GMDS: variants seen among roughly 807,000 people sequenced by gnomAD.
GMDS encodes GDP-mannose 4,6-dehydratase, also known as GDP-mannose 4,6 dehydratase.
A neutral mutation model predicts 49.9 loss-of-function variants in GMDS; 20 were observed. The ratio of observed to expected loss-of-function variants is 0.40; its 90% CI spans 0.28 to 0.58. GMDS has a LOEUF of 0.58. GMDS is among the 20% of genes least tolerant of loss of function. GMDS has a pLI of 0.42. For synonymous variants in GMDS, 177 were observed against 178.6 expected (o/e 0.99, Z 0.07); for missense variants, 362 against 481.4 (o/e 0.75, Z 2.32).
chr6:2,139,687 G>A (rs1776188589), intron 1 of GMDS, among the ~76,000 whole-genome samples: 1 of 152,136 alleles, frequency 6.6e-6, no homozygotes, highest in Non-Finnish European at 1.5e-5. Context: ...CTATTAACTG[G>A]GGAACTGGGA....
At chr6:2,003,223 T>C (rs1044155569) in intron 4 of GMDS, among the ~76,000 whole-genome samples, 10 of 152,300 alleles carry the variant, frequency 6.6e-5, no homozygotes, top group African/African-American at 2.2e-4. Context: ...TAATGGATGA[T>C]AACGAGCAGG....
chr6:1,719,645 T>C (rs996513990), intron 9 of GMDS, among the ~76,000 whole-genome samples: 2 of 148,218 alleles, frequency 1.3e-5, no homozygotes, highest in Non-Finnish European at 3.0e-5. Context: ...GAGAGAGGGA[T>C]TTTTTAGATT....
chr6:2,022,082 G>C (rs1319921), intron 4 of GMDS, among the ~76,000 whole-genome samples: 2,073 of 152,208 alleles, frequency 0.014, 49 homozygotes, highest in African/African-American at 0.048. Flanking sequence ...GGCTGCCTAA[G>C]CCTAACAAGG....
At chr6:2,169,977 G>T (rs566759581) in intron 1 of GMDS, among the ~76,000 whole-genome samples, 40 of 152,202 alleles carry the variant, frequency 2.6e-4, no homozygotes, top group Non-Finnish European at 5.6e-4. Context: ...GCCAAGGTGG[G>T]CCGATCACCT....
At chr6:1,942,811 A>G (rs1248144684) in intron 6 of GMDS, among the ~76,000 whole-genome samples, 1 of 152,192 alleles carries the variant, frequency 6.6e-6, no homozygotes, top group African/African-American at 2.4e-5. Context: ...ATTTCACTTA[A>G]GCTTAGCGTG....
intron 9 of GMDS, among the ~76,000 whole-genome samples, chr6:1,678,007 G>C (rs550432151): frequency 2.0e-5 from 3 of 151,966 alleles, no homozygotes; most frequent in Admixed American, 1.3e-4. Flanking sequence ...CATATCGATG[G>C]GATTAATAGT....
rs188568831 is a variant in GMDS at position 1,640,412 on chromosome 6, C to T, written c.988-15872G>A. On this transcript the variant is annotated intron_variant, in intron 9 of 10. Coordinates refer to ENST00000380815, the MANE Select transcript of GMDS (RefSeq NM_001500.4). The surrounding 1 kb of genome is among the most constrained non-coding windows in gnomAD (Gnocchi z 4.0). ...CTGCAGGTGTGTTATGCACCTGTCA[C>T]GGGGTAAGGCCTTCCACGTATGCTC... is the stretch of plus-strand genomic sequence containing the variant. Among the ~76,000 whole-genome samples, 27 of 152,250 alleles carry T rather than the reference C, an allele frequency of 1.8e-4. No individual in the cohort carries two copies. Among genetic ancestry groups the T allele is most frequent in the East Asian group, 3.9e-4 (2 of 5,178 alleles).
intron 9 of GMDS, among the ~76,000 whole-genome samples, chr6:1,653,063 T>C (rs73716247): frequency 0.082 from 12,372 of 151,798 alleles, 569 homozygotes; most frequent in East Asian, 0.12. Flanking sequence ...CAGGTCCTAC[T>C]GCTCGGCAGC....
chr6:1,726,608 G>C, intron 8 of GMDS, 96 bp from the exon 9 acceptor site: 1 of 849,642 alleles, frequency 1.2e-6, no homozygotes, highest in South Asian at 1.4e-5. Context: ...CTCCCCGCAG[G>C]AGCGCTTAAG....
intron 4 of GMDS, among the ~76,000 whole-genome samples, chr6:1,977,968 C>A (rs546235856): frequency 6.6e-6 from 1 of 152,308 alleles, no homozygotes; most frequent in East Asian, 1.9e-4. Flanking sequence ...TCCAGGGAAC[C>A]AGGCAGCATC....
chr6:1,657,063 A>G (rs188571554), intron 9 of GMDS, among the ~76,000 whole-genome samples: 153 of 152,278 alleles, frequency 1.0e-3, no homozygotes, highest in African/African-American at 3.5e-3. Context: ...GGGGACAGCA[A>G]GAGGGTTTCT....
chr6:2,127,787 G>A (rs1775534319), intron 1 of GMDS, among the ~76,000 whole-genome samples: 1 of 152,196 alleles, frequency 6.6e-6, no homozygotes, highest in African/African-American at 2.4e-5. Context: ...GCAGACGTCC[G>A]CCAAGCCAAC....
chr6:2,013,000 A>T (rs908431901), intron 4 of GMDS, among the ~76,000 whole-genome samples: 1 of 152,088 alleles, frequency 6.6e-6, no homozygotes, highest in Non-Finnish European at 1.5e-5. Flanking sequence ...CAGACACTCA[A>T]CTCTGGCCGC....
intron 7 of GMDS, among the ~76,000 whole-genome samples, chr6:1,847,739 C>A (rs887975492): frequency 1.3e-5 from 2 of 152,170 alleles, no homozygotes; most frequent in African/African-American, 4.8e-5. Context: ...ATTCTTAATT[C>A]ATTTTTCACT....
intron 7 of GMDS, among the ~76,000 whole-genome samples, chr6:1,822,358 G>A (rs1214544048): frequency 6.6e-6 from 1 of 152,158 alleles, no homozygotes; most frequent in Non-Finnish European, 1.5e-5. Context: ...AAGTATTGGG[G>A]TAAGATTTAG....
intron 7 of GMDS, among the ~76,000 whole-genome samples, chr6:1,929,844 T>C (rs1762206235): frequency 6.6e-6 from 1 of 152,206 alleles, no homozygotes; most frequent in Non-Finnish European, 1.5e-5. Flanking sequence ...CTATCCATCA[T>C]CCAGCACAAA....
At chr6:2,081,321 G>A (rs1772681475) in intron 4 of GMDS, among the ~76,000 whole-genome samples, 1 of 152,146 alleles carries the variant, frequency 6.6e-6, no homozygotes, top group South Asian at 2.1e-4. Context: ...AGTCCCAGAG[G>A]GCTGCTCTAT....
chr6:1,921,386 C>G (rs562709991), intron 7 of GMDS, among the ~76,000 whole-genome samples: 1 of 152,130 alleles, frequency 6.6e-6, no homozygotes, highest in Non-Finnish European at 1.5e-5. Context: ...CAATTTAAAA[C>G]GGGCTCTACA....
intron 7 of GMDS, among the ~76,000 whole-genome samples, chr6:1,744,461 A>G (rs1767404525): frequency 6.6e-6 from 1 of 152,138 alleles, no homozygotes; most frequent in Non-Finnish European, 1.5e-5. Context: ...TACTACCACT[A>G]CTACTACTAA....
Sources: allele counts gnomAD v4.1 joint callset (sites outside exome capture counted in the v4.1 genomes callset), GRCh38; gene constraint gnomAD v4.1.1; non-coding constraint Gnocchi (gnomAD v3.1); transcripts MANE v1.5; gene names NCBI Gene and HGNC (gene_info 2026-07-23, HGNC 2026-07-21).